Variants in MSS51 observed in about 807,000 individuals in gnomAD.
MSS51 encodes the protein putative protein MSS51 homolog, mitochondrial.
In MSS51, 32 loss-of-function variants were observed where a neutral mutation model predicts 40.2. That is an observed-to-expected ratio of 0.80 (90% CI 0.60 to 1.07). The LOEUF is 1.07. Ranked by LOEUF, MSS51 falls within the 50% of genes least tolerant of loss-of-function variation. The probability of loss-of-function intolerance (pLI) is 0.00; values close to 1 mark genes in which losing one functional copy is unlikely to be tolerated. For synonymous variants in MSS51, 178 were observed against 214.2 expected, an observed-to-expected ratio of 0.83 and a Z score of 1.48; for missense variants, 518 against 568.9, an observed-to-expected ratio of 0.91 and a Z score of 0.91.
rs1226418655 is a variant in MSS51, at chr10:73,424,685, G to C, written c.1251C>G (p.Leu417=). ...GACTGGAATAGACCTGTTCAGGTTT[G>C]AGGGACATGAAAGGATTAGACCCAA... ...TAFGSNPFMS[L]KPEQVYSSPN... The change falls in exon 7 of 7, where the codon CTC becomes CTG. Residue 417 remains leucine (L), a synonymous_variant. Coordinates refer to ENST00000299432, the MANE Select transcript of MSS51 (RefSeq NM_001024593.2). 8.7e-6 allele frequency: 14 copies of C among 1,613,984 alleles called. No homozygotes were observed. The highest frequency in any genetic ancestry group is 1.2e-5 in the Non-Finnish European group (14 of 1,179,978).
chr10:73,424,844 T>C lies in MSS51; in HGVS notation c.1164-72A>G. The stretch of plus-strand genomic sequence containing the variant: ...ATAAAGGAAAAACTGCCCAAGAGCC[T>C]GACATTTCTGTAATCACCCATCCCC... On this transcript the variant is annotated intron_variant, in intron 6 of 6. Transcript: ENST00000299432. 3 of 1,265,078 alleles carry C rather than the reference T, an allele frequency of 2.4e-6. No homozygotes were observed. In the South Asian group the frequency reaches 3.7e-5, roughly 16 times the overall value. The allele number at this position is 1,265,078 out of a possible 1,614,324, so 78.4% of individuals were successfully genotyped here.
Position 73,428,044 on chromosome 10 carries a change from C to T in MSS51, c.221+20G>A. On this transcript the variant is annotated intron_variant, in intron 2 of 6. Transcript: ENST00000299432. ...CTACCAGAGACAATATATCCCTTTT[C>T]CATAGAGCTGGTCACTCACTTATAT... 4 of 1,609,334 alleles carry T rather than the reference C, an allele frequency of 2.5e-6. No homozygotes were observed. Among genetic ancestry groups the T allele is most frequent in the Non-Finnish European group, 3.4e-6 (4 of 1,176,230 alleles).
rs2055999694 is a variant in MSS51 at position 73,427,707 on chromosome 10, A to G, written c.283T>C (p.Phe95Leu). The G allele has an allele frequency of 1.2e-6, 2 of 1,614,122 alleles. No homozygotes were observed. The highest frequency in any genetic ancestry group is 1.7e-5 in the Admixed American group (1 of 60,010). Reference sequence around the variant, plus strand: ...CGAAATGTGTCTTCCATCCTCTGGAACATTTCTTGAGGACATCGAAATCCA... The same window carrying G: ...CGAAATGTGTCTTCCATCCTCTGGAGCATTTCTTGAGGACATCGAAATCCA... ...GFGFRCPQEMFQRMEDTFRFC... is the reference protein window; with the variant it reads ...GFGFRCPQEMLQRMEDTFRFC... The change falls in exon 3 of 7, where the codon TTC becomes CTC. Residue 95 changes from phenylalanine to leucine, a missense_variant. Transcript: ENST00000299432.
intron 5 of MSS51, 21 bp from the exon 6 acceptor site, chr10:73,425,212 T>C (rs775204758): frequency 6.5e-7 from 1 of 1,531,308 alleles, no homozygotes. Context: ...AAAATGAAAA[T>C]GGGAATAGGG....
intron 1 of MSS51, among the ~76,000 whole-genome samples, chr10:73,433,090 G>A (rs2056040905): frequency 6.6e-6 from 1 of 152,122 alleles, no homozygotes; most frequent in Non-Finnish European, 1.5e-5. Flanking sequence ...AAGAACTGGA[G>A]AGGAGACATG....
At chr10:73,426,521 T>C in intron 4 of MSS51, 86 bp downstream of exon 4, 2 of 1,599,418 alleles carry the variant, frequency 1.3e-6, no homozygotes, top group Non-Finnish European at 1.7e-6. Flanking sequence ...TTCCTCATTT[T>C]TTCATAACAA....
chr10:73,425,158 C>T lies in MSS51; in HGVS notation c.1103G>A (p.Trp368Ter). 1.9e-6 allele frequency: 3 copies of T among 1,605,632 alleles called. No homozygotes were observed. The highest frequency in any genetic ancestry group is 2.5e-6 in the Non-Finnish European group (3 of 1,177,356). Residue 368 changes from tryptophan to a stop codon, truncating the protein, a stop_gained, in exon 6 of 7, where the codon TGG becomes TAG. Transcript: ENST00000299432. LOFTEE classifies it high-confidence loss of function. The part of the protein sequence containing the change: ...FHSSPDLMEA[W>*]LPTLLLLRDY... ...ACGAAGTAGCAGCAGGGTGGGCAGCCAAGCCTCCATCAAGTCTGGGGAGGA... is the reference window on the plus strand; with the variant it reads ...ACGAAGTAGCAGCAGGGTGGGCAGCTAAGCCTCCATCAAGTCTGGGGAGGA...
chr10:73,428,247 G>T lies in MSS51; in HGVS notation c.38C>A (p.Pro13His). The T allele has an allele frequency of 6.2e-7, 1 of 1,613,626 alleles. No homozygotes were observed. The highest frequency in any genetic ancestry group is 8.5e-7 in the Non-Finnish European group (1 of 1,179,702). ...GATGATGGGAGCCACTGATGAGGGA[G>T]GTTTCTTGTGCCTTCGTCGCCGGGA... ...PRSRRRRHKKPPSSVAPIIMA... is the reference protein window; with the variant it reads ...PRSRRRRHKKHPSSVAPIIMA... The change falls in exon 2 of 7, where the codon CCT (proline) becomes CAT (histidine). Residue 13 changes from proline (P) to histidine (H), a missense_variant. Transcript: ENST00000299432.
rs1270069624 is a variant in MSS51, at chr10:73,426,065, T to G, written c.815A>C (p.His272Pro). The change falls in exon 5 of 7, where the codon CAT becomes CCT. Residue 272 changes from histidine to proline, a missense_variant. By Grantham distance (77) the His-to-Pro change is moderately conservative (BLOSUM62 -2). Transcript: ENST00000299432. Reference protein sequence around the residue: ...GSTVHVVGASHVETFLTRPGD... With the variant: ...GSTVHVVGASPVETFLTRPGD... ...TGGGCGAGTAAGAAATGTCTCCACA[T>G]GGGAAGCACCAACCACATGCACTGT... is the stretch of plus-strand genomic sequence containing the variant. The G allele has an allele frequency of 2.5e-6, 4 of 1,614,224 alleles. No homozygotes were observed. The highest frequency in any genetic ancestry group is 1.3e-5 in the African/African-American group (1 of 75,052).
intron 1 of MSS51, among the ~76,000 whole-genome samples, chr10:73,429,038 G>C (rs57004021): frequency 0.046 from 7,033 of 151,424 alleles, 495 homozygotes; most frequent in African/African-American, 0.15. Flanking sequence ...AACCCCATCT[G>C]TACTAAAAAT....
At position 73,428,314 on chromosome 10, in the gene MSS51, T is replaced by C; in HGVS notation, c.-17-13A>G. The C allele has an allele frequency of 1.3e-6, 2 of 1,559,078 alleles. No homozygotes were observed. Among genetic ancestry groups the C allele is most frequent in the Non-Finnish European group, 1.7e-6 (2 of 1,147,402 alleles). On this transcript the variant is annotated splice_polypyrimidine_tract_variant and intron_variant, in intron 1 of 6. Coordinates refer to ENST00000299432, the MANE Select transcript of MSS51 (RefSeq NM_001024593.2). Reference sequence around the variant, plus strand: ...TGTCCAGTGATACCTGGAGATTATATGCAGAATAGACATGGAATGGAATTT... The same window carrying C: ...TGTCCAGTGATACCTGGAGATTATACGCAGAATAGACATGGAATGGAATTT...
At position 73,425,980 on chromosome 10, in the gene MSS51, C is replaced by G. The variant is rs774106169; in HGVS notation, c.900G>C (p.Met300Ile). ...AGCCAGTAGCTACATCTACACCCAC[C>G]ATGACCACACGGAGTCCAAGGTGCC... is the stretch of plus-strand genomic sequence containing the variant. ...FPGHLGLRVVMVGVDVATGFS... is the reference protein window; with the variant it reads ...FPGHLGLRVVIVGVDVATGFS... Residue 300 changes from methionine to isoleucine, a missense_variant, in exon 5 of 7, where the codon ATG becomes ATC. Coordinates refer to ENST00000299432, the MANE Select transcript of MSS51 (RefSeq NM_001024593.2). The G allele has an allele frequency of 1.9e-6, 3 of 1,614,198 alleles. No individual in the cohort carries two copies. The South Asian group carries it at 3.3e-5, about 18-fold the overall frequency.
chr10:73,428,732 C>G (rs1442381507), intron 1 of MSS51, among the ~76,000 whole-genome samples: 1 of 151,710 alleles, frequency 6.6e-6, no homozygotes, highest in East Asian at 1.9e-4. Flanking sequence ...GGTGATCCAC[C>G]CACCTTGGCC....
At position 73,424,012 on chromosome 10, in the gene MSS51, G is replaced by GC. The variant is rs2055962693; in HGVS notation, c.*540dup. The GC allele has an allele frequency of 6.4e-6, 1 of 155,056 alleles. No individual in the cohort carries two copies. The highest frequency in any genetic ancestry group is 1.4e-5 in the Non-Finnish European group (1 of 69,806). 9.6% of individuals were successfully genotyped at this position (155,056 alleles called of 1,614,324 possible). A position where few individuals can be genotyped will look rare whatever the true frequency, so the allele number is the denominator to read the frequency against. On this transcript the variant is annotated 3_prime_UTR_variant, in exon 7 of 7. Transcript: ENST00000299432. ...GCAACTATAAGCTCTGGAAAGACCAGCATCAGGGCCTCTTCCCACCCACTA... is the reference window on the plus strand; with the variant it reads ...GCAACTATAAGCTCTGGAAAGACCAGCCATCAGGGCCTCTTCCCACCCACTA...
intron 1 of MSS51, among the ~76,000 whole-genome samples, chr10:73,432,760 CT>C (rs1254650252): frequency 6.6e-6 from 1 of 152,144 alleles, no homozygotes; most frequent in Non-Finnish European, 1.5e-5. Flanking sequence ...GAAGCCAGGT[CT>C]TTGATCTGCA....
At chr10:73,426,820 G>GGT in intron 3 of MSS51, 89 bp from the exon 4 acceptor site, 3 of 1,468,406 alleles carry the variant, frequency 2.0e-6, no homozygotes, top group Non-Finnish European at 1.9e-6. Flanking sequence ...CACCTAGGAT[G>GGT]GTGAATGGGT....
Position 73,424,612 on chromosome 10 carries a change from C to T in MSS51, c.1324G>A (p.Gly442Arg). Reference protein sequence around the residue: ...YCSAYYIMFLGSSCQLDNRQL... With the variant: ...YCSAYYIMFLRSSCQLDNRQL... ...CTATTATCCAGCTGACAGGAGCTTC[C>T]AAGAAACATGATATAGTATGCACTG... Residue 442 changes from glycine to arginine, a missense_variant, in exon 7 of 7, where the codon GGA (glycine) becomes AGA (arginine). Gly to Arg is a moderately radical substitution (Grantham distance 125). Transcript: ENST00000299432. 6.2e-7 allele frequency: 1 copy of T among 1,614,078 alleles called. No homozygotes were observed. The highest frequency in any genetic ancestry group is 1.1e-5 in the South Asian group (1 of 91,080).
In MSS51 at chr10:73,426,711, C is replaced by T. The variant is rs753758160; in HGVS notation, c.398G>A (p.Cys133Tyr). ...GTCTGACTTCTGGCACTCTGGACCA[C>T]AGTAATAGACATTTCTGCACCTGAG... ...HCKRCRNVYY[C>Y]GPECQKSDWP... Residue 133 changes from cysteine (C) to tyrosine (Y), a missense_variant, in exon 4 of 7, where the codon TGT becomes TAT. Cys to Tyr is a radical substitution (Grantham distance 194). Transcript: ENST00000299432. 1 of 1,614,068 alleles carries T rather than the reference C, an allele frequency of 6.2e-7. No homozygotes were observed. Among genetic ancestry groups the T allele is most frequent in the Non-Finnish European group, 8.5e-7 (1 of 1,180,008 alleles).
At chr10:73,427,498 A>G in intron 3 of MSS51, 115 bp downstream of exon 3, 2 of 1,160,350 alleles carry the variant, frequency 1.7e-6, no homozygotes, top group East Asian at 2.5e-5. Context: ...GGTTGGCCTC[A>G]TGTGATCCAC....
Sources: allele counts gnomAD v4.1 joint callset (sites outside exome capture counted in the v4.1 genomes callset), GRCh38; gene constraint gnomAD v4.1.1; transcripts MANE v1.5; gene names NCBI Gene and HGNC (gene_info 2026-07-23, HGNC 2026-07-21).